The following SEL1L variants were observed in gnomAD, a reference collection of about 807,000 sequenced individuals.
SEL1L encodes protein sel-1 homolog 1.
A neutral mutation model predicts 109.8 loss-of-function variants in SEL1L; 52 were observed. The observed-to-expected ratio is 0.47, with a 90% CI of 0.38 to 0.60. The LOEUF is 0.60. Ranked by LOEUF, SEL1L falls within the 20% of genes least tolerant of loss-of-function variation. The pLI is 0.00. For missense variants in SEL1L, 749 were observed against 962.2 expected (o/e 0.78, Z 2.93); for synonymous variants, 373 against 339.6 (o/e 1.10, Z -1.08).
At chr14:81,516,115 G>A (rs999550714) in intron 3 of SEL1L, among the ~76,000 whole-genome samples, 3 of 152,200 alleles carry the variant, frequency 2.0e-5, no homozygotes, top group Admixed American at 2.0e-4. Context: ...CTGCCCCAGA[G>A]GACAAAGGTT....
chr14:81,500,905 G>C (rs577556048), intron 6 of SEL1L, among the ~76,000 whole-genome samples: 3 of 152,164 alleles, frequency 2.0e-5, no homozygotes, highest in Non-Finnish European at 4.4e-5. Flanking sequence ...TCAACCCTTT[G>C]CCTTCTATGG....
intron 6 of SEL1L, among the ~76,000 whole-genome samples, chr14:81,502,459 T>C (rs1239519356): frequency 6.6e-6 from 1 of 152,226 alleles, no homozygotes; most frequent in Non-Finnish European, 1.5e-5. Context: ...TATCTTCATA[T>C]TTCATTCTCT....
chr14:81,499,529 A>AC lies in SEL1L; in HGVS notation c.832-12dup. The AC allele has an allele frequency of 6.2e-7, 1 of 1,610,690 alleles. No individual in the cohort carries two copies. The highest frequency in any genetic ancestry group is 8.5e-7 in the Non-Finnish European group (1 of 1,179,144). The stretch of plus-strand genomic sequence containing the variant: ...ATAATATACAAGAGCCTGTGAAAGA[A>AC]CAAAACATGTTTAACTGAACATAGG... On this transcript the variant is annotated splice_polypyrimidine_tract_variant and intron_variant, in intron 7 of 20. Coordinates refer to ENST00000336735, the MANE Select transcript of SEL1L (RefSeq NM_005065.6).
intron 12 of SEL1L, 142 bp downstream of exon 12, chr14:81,492,338 A>G: frequency 1.5e-6 from 1 of 686,770 alleles, no homozygotes; most frequent in Non-Finnish European, 2.5e-6. Flanking sequence ...GCCTCAGAAC[A>G]GCACTTTAAG....
intron 14 of SEL1L, 157 bp downstream of exon 14, chr14:81,489,095 G>C (rs963735379): frequency 1.4e-6 from 1 of 693,990 alleles, no homozygotes; most frequent in South Asian, 1.6e-5. Flanking sequence ...GTCGGGTATG[G>C]GGTGGTAGTG....
At chr14:81,478,419 G>A (rs913674473) in intron 20 of SEL1L, among the ~76,000 whole-genome samples, 32 of 151,720 alleles carry the variant, frequency 2.1e-4, no homozygotes, top group African/African-American at 7.8e-4. Flanking sequence ...TTATACTTCT[G>A]TATTAAAAAA....
At chr14:81,484,554 G>C in intron 18 of SEL1L, 157 bp from the exon 19 acceptor site, 2 of 679,278 alleles carry the variant, frequency 2.9e-6, no homozygotes, top group Middle Eastern at 4.4e-4. Flanking sequence ...AAGTTATAAA[G>C]TCCAGTAAAA....
chr14:81,507,369 T>C (rs1884281068), intron 3 of SEL1L, among the ~76,000 whole-genome samples: 1 of 151,964 alleles, frequency 6.6e-6, no homozygotes, highest in South Asian at 2.1e-4. Flanking sequence ...ATGGAAGATG[T>C]GGATGTACTC....
chr14:81,512,491 T>G (rs1222032116), intron 3 of SEL1L, among the ~76,000 whole-genome samples: 1 of 152,200 alleles, frequency 6.6e-6, no homozygotes, highest in Admixed American at 6.5e-5. Context: ...ATGCTTCTGC[T>G]CTTCTGATGC....
chr14:81,515,200 G>A (rs527509089), intron 3 of SEL1L, among the ~76,000 whole-genome samples: 1 of 152,244 alleles, frequency 6.6e-6, no homozygotes, highest in African/African-American at 2.4e-5. Flanking sequence ...TGTAGGGGAG[G>A]GGAATTTGGC....
intron 11 of SEL1L, among the ~76,000 whole-genome samples, chr14:81,493,824 T>C (rs1292343106): frequency 1.3e-5 from 2 of 152,238 alleles, no homozygotes; most frequent in African/African-American, 2.4e-5. Flanking sequence ...GAGTCCATCA[T>C]GGCTTCCTTC....
intron 3 of SEL1L, among the ~76,000 whole-genome samples, chr14:81,511,047 G>A (rs908935293): frequency 5.9e-5 from 9 of 152,184 alleles, no homozygotes; most frequent in Non-Finnish European, 1.5e-5. Flanking sequence ...CTGGGAATAT[G>A]CTATAGTAAT....
Position 81,498,435 on chromosome 14 carries a change from G to A in SEL1L, c.951C>T (p.His317=). The A allele has an allele frequency of 1.9e-6, 3 of 1,613,882 alleles. No homozygotes were observed. Among genetic ancestry groups the A allele is most frequent in the Non-Finnish European group, 2.5e-6 (3 of 1,179,868 alleles). Reference sequence around the variant, plus strand: ...TACCATGATTGGCAACAAGACGATAGTGAGTCAGGGCAGATTCACAACTCT... The same window carrying A: ...TACCATGATTGGCAACAAGACGATAATGAGTCAGGGCAGATTCACAACTCT... ...VLQSCESALT[H]YRLVANHVAS... Residue 317 remains histidine, a synonymous_variant, in exon 9 of 21, where the codon CAC becomes CAT. Coordinates refer to ENST00000336735, the MANE Select transcript of SEL1L (RefSeq NM_005065.6).
chr14:81,516,933 T>A (rs1566623777), intron 3 of SEL1L, among the ~76,000 whole-genome samples: 1 of 152,200 alleles, frequency 6.6e-6, no homozygotes, highest in East Asian at 1.9e-4. Flanking sequence ...TTTGCTGTAA[T>A]AAATCATAGC....
intron 18 of SEL1L, 154 bp from the exon 19 acceptor site, chr14:81,484,551 A>G: frequency 2.9e-6 from 2 of 680,722 alleles, no homozygotes; most frequent in Non-Finnish European, 4.7e-6. Flanking sequence ...GCCAAGTTAT[A>G]AAGTCCAGTA....
intron 20 of SEL1L, 134 bp downstream of exon 20, chr14:81,479,478 A>G: frequency 7.6e-6 from 6 of 785,928 alleles, no homozygotes; most frequent in Non-Finnish European, 1.1e-5. Context: ...CGGGTACCTG[A>G]GCTGAGGAGA....
At chr14:81,512,665 T>C (rs1238109355) in intron 3 of SEL1L, among the ~76,000 whole-genome samples, 3 of 152,254 alleles carry the variant, frequency 2.0e-5, no homozygotes, top group Admixed American at 2.0e-4. Context: ...TGCCTATCTG[T>C]GAGTTCTAGT....
At chr14:81,527,814 A>G in intron 1 of SEL1L, 76 bp from the exon 2 acceptor site, 1 of 926,342 alleles carries the variant, frequency 1.1e-6, no homozygotes, top group Non-Finnish European at 1.7e-6. Flanking sequence ...AAACATGTGA[A>G]AAGTATAGCA....
At chr14:81,497,645 G>A (rs1338663820) in intron 10 of SEL1L, among the ~76,000 whole-genome samples, 1 of 152,038 alleles carries the variant, frequency 6.6e-6, no homozygotes. Context: ...ACACGGGAGA[G>A]TCACCTGGAC....
Sources: gnomAD v4.1 joint callset for allele counts (sites outside exome capture counted in the v4.1 genomes callset) on GRCh38, gnomAD v4.1.1 for gene constraint, MANE v1.5 for transcripts, NCBI Gene and HGNC (gene_info 2026-07-23, HGNC 2026-07-21) for gene names.